The following EFR3A variants were observed in gnomAD, a reference collection of about 807,000 sequenced individuals.
The protein encoded by EFR3A is EFR3 homolog A.
In EFR3A, 76 loss-of-function variants were observed where a neutral mutation model predicts 104.4. The ratio of observed to expected loss-of-function variants is 0.73; its 90% CI spans 0.60 to 0.88. EFR3A has a LOEUF of 0.88. Among genes scored for constraint, EFR3A ranks in the 40% least tolerant of loss-of-function variants. The pLI is 0.00. For missense variants in EFR3A, 985 were observed against 1,012.5 expected, an observed-to-expected ratio of 0.97 and a Z score of 0.37; for synonymous variants, 330 against 330.0, an observed-to-expected ratio of 1.00 and a Z score of 0.00.
chr8:131,915,650 A>C (rs575846039), intron 1 of EFR3A, among the ~76,000 whole-genome samples: 2 of 152,240 alleles, frequency 1.3e-5, no homozygotes, highest in African/African-American at 4.8e-5. Context: ...GAGCAAGGGG[A>C]AGATGAGTGG....
chr8:131,976,124 G>C lies in EFR3A; in HGVS notation c.1257G>C (p.Leu419Phe). ...VPVFGTSTHT[L>F]DISQLGDLGT... ...TCTTTGGAACATCTACCCATACTTTGGATATCAGTCAACTAGGGTATGTTC... is the reference window on the plus strand; with the variant it reads ...TCTTTGGAACATCTACCCATACTTTCGATATCAGTCAACTAGGGTATGTTC... The change falls in exon 11 of 23, where the codon TTG (leucine) becomes TTC (phenylalanine). Residue 419 changes from leucine (L) to phenylalanine (F), a missense_variant. Leu to Phe is a conservative substitution (Grantham distance 22). Coordinates refer to ENST00000254624, the MANE Select transcript of EFR3A (RefSeq NM_015137.6). 6.3e-7 allele frequency: 1 copy of C among 1,589,904 alleles called. No individual in the cohort carries two copies. Among genetic ancestry groups the C allele is most frequent in the Non-Finnish European group, 8.6e-7 (1 of 1,163,972 alleles).
At chr8:131,930,439 G>T (rs559660878) in intron 1 of EFR3A, among the ~76,000 whole-genome samples, 1 of 121,204 alleles carries the variant, frequency 8.3e-6, no homozygotes, top group African/African-American at 2.8e-5. Context: ...TTAAGAACAC[G>T]GTGGAATGAA....
intron 10 of EFR3A, among the ~76,000 whole-genome samples, chr8:131,974,558 G>A (rs1327116553): frequency 6.6e-6 from 1 of 152,178 alleles, no homozygotes; most frequent in Admixed American, 6.5e-5. Context: ...AATGTTAGCT[G>A]TGTAATTTTT....
intron 2 of EFR3A, 120 bp downstream of exon 2, chr8:131,940,695 A>G: frequency 7.1e-7 from 1 of 1,408,606 alleles, no homozygotes; most frequent in Non-Finnish European, 9.3e-7. Context: ...CATCATTTAT[A>G]CTACTTTTTT....
intron 8 of EFR3A, among the ~76,000 whole-genome samples, chr8:131,968,004 G>A (rs369281515): frequency 5.9e-5 from 9 of 152,028 alleles, no homozygotes; most frequent in African/African-American, 1.9e-4. Context: ...GGTGGCCAGT[G>A]TTAATCTTTT....
intron 8 of EFR3A, among the ~76,000 whole-genome samples, chr8:131,965,095 CT>C (rs1407363693): frequency 1.3e-5 from 2 of 151,894 alleles, no homozygotes; most frequent in African/African-American, 4.8e-5. Context: ...AAATGTTAGA[CT>C]TAAAACCATA....
chr8:131,926,965 C>T (rs1259746327), intron 1 of EFR3A, among the ~76,000 whole-genome samples: 1 of 152,034 alleles, frequency 6.6e-6, no homozygotes. Flanking sequence ...ATTTTTCTTT[C>T]ACGGAGGGGA....
Position 131,978,729 on chromosome 8 carries a change from C to T in EFR3A, c.1327-118C>T, listed in dbSNP as rs79025988. The T allele has an allele frequency of 1.1e-3, 894 of 785,346 alleles. 11 individuals are homozygous for T. The African/African-American group carries it at 0.014, about 12-fold the overall frequency. 48.6% of individuals were successfully genotyped at this position (785,346 alleles called of 1,614,324 possible). On this transcript the variant is annotated intron_variant, in intron 12 of 22. Transcript: ENST00000254624. ...TTTGCACATTTCTTTTATGTCTTTT[C>T]TCCAGGCTTCTGTCCATATTTTCTT...
At chr8:131,910,280 C>T (rs1816454543) in intron 1 of EFR3A, among the ~76,000 whole-genome samples, 1 of 152,178 alleles carries the variant, frequency 6.6e-6, no homozygotes, top group African/African-American at 2.4e-5. Flanking sequence ...CCATCTTTCT[C>T]TGGTAATTTG....
Position 131,979,341 on chromosome 8 carries a change from T to C in EFR3A, c.1500-5T>C. On this transcript the variant is annotated splice_polypyrimidine_tract_variant and splice_region_variant and intron_variant, in intron 13 of 22. Coordinates refer to ENST00000254624, the MANE Select transcript of EFR3A (RefSeq NM_015137.6). ...CATTAAAAATGATATATTGATCGTC[T>C]CTAGAATAATACCGGATGTAGCTGA... is the stretch of plus-strand genomic sequence containing the variant. The C allele has an allele frequency of 6.5e-7, 1 of 1,550,164 alleles. No individual in the cohort carries two copies. Among genetic ancestry groups the C allele is most frequent in the Non-Finnish European group, 8.7e-7 (1 of 1,142,990 alleles).
intron 1 of EFR3A, among the ~76,000 whole-genome samples, chr8:131,920,286 G>C (rs963789692): frequency 3.9e-5 from 6 of 152,052 alleles, no homozygotes; most frequent in African/African-American, 1.4e-4. Flanking sequence ...AAGTAAAAAC[G>C]TTCTCTCCCC....
chr8:132,002,568 T>C, intron 20 of EFR3A, 35 bp from the exon 21 acceptor site: 1 of 1,535,522 alleles, frequency 6.5e-7, no homozygotes, highest in Non-Finnish European at 9.0e-7. Context: ...AAATTATGTA[T>C]TCCCTTTAAT....
intron 3 of EFR3A, among the ~76,000 whole-genome samples, chr8:131,945,560 A>C (rs547769694): frequency 6.6e-6 from 1 of 152,194 alleles, no homozygotes; most frequent in South Asian, 2.1e-4. Flanking sequence ...CATTTTAGTA[A>C]GTGATGGCAC....
At chr8:131,990,253 T>C (rs1821104831) in intron 18 of EFR3A, among the ~76,000 whole-genome samples, 1 of 152,220 alleles carries the variant, frequency 6.6e-6, no homozygotes. Context: ...TTATATAATT[T>C]TTCTCTAAGA....
intron 21 of EFR3A, 89 bp from the exon 22 acceptor site, chr8:132,003,147 T>C: frequency 9.2e-7 from 1 of 1,091,330 alleles, no homozygotes; most frequent in Non-Finnish European, 1.4e-6. Flanking sequence ...ATAGTCACAA[T>C]TATACTTTGT....
rs76013826 is a variant in EFR3A, at chr8:131,965,774, C to A, written c.856-2521C>A. On this transcript the variant is annotated intron_variant, in intron 8 of 22. Transcript: ENST00000254624. ...GACACATGCACACGTATGTTTATTG[C>A]GGCACTATTCACAATAGCAAAGACT... 2.6e-5 allele frequency among the ~76,000 whole-genome samples: 4 copies of A among 151,766 alleles called. No individual in the cohort carries two copies. In the South Asian group the frequency reaches 6.3e-4, roughly 24 times the overall value.
At chr8:131,943,360 A>G (rs1818256966) in intron 2 of EFR3A, among the ~76,000 whole-genome samples, 1 of 152,054 alleles carries the variant, frequency 6.6e-6, no homozygotes, top group African/African-American at 2.4e-5. Flanking sequence ...TTATTCTTCA[A>G]TAAAATTAGT....
Position 131,979,010 on chromosome 8 carries a change from G to A in EFR3A, c.1490G>A (p.Arg497Gln), listed in dbSNP as rs758285578. ...MDRHDNRAKL[R>Q]GIRIIPDVAD... ...CGTCATGACAATAGGGCAAAGCTTC[G>A]AGGGATCAGGTAATGTGCCATTTTG... is the stretch of plus-strand genomic sequence containing the variant. Residue 497 changes from arginine (R) to glutamine (Q), a missense_variant, in exon 13 of 23, where the codon CGA (arginine) becomes CAA (glutamine). Physicochemically the swap from Arg to Gln is conservative, Grantham distance 43 (BLOSUM62 1). Coordinates refer to ENST00000254624, the MANE Select transcript of EFR3A (RefSeq NM_015137.6). 6.2e-6 allele frequency: 10 copies of A among 1,606,376 alleles called. No individual in the cohort carries two copies. Among genetic ancestry groups the A allele is most frequent in the South Asian group, 1.1e-5 (1 of 88,910 alleles).
intron 1 of EFR3A, among the ~76,000 whole-genome samples, chr8:131,939,469 A>G (rs1369942957): frequency 3.3e-5 from 5 of 152,214 alleles, no homozygotes; most frequent in Non-Finnish European, 2.9e-5. Flanking sequence ...CTTTTAAACT[A>G]AAAGCAGTGT....
Sources: gnomAD v4.1 joint callset for allele counts (sites outside exome capture counted in the v4.1 genomes callset) on GRCh38, gnomAD v4.1.1 for gene constraint, MANE v1.5 for transcripts, NCBI Gene and HGNC (gene_info 2026-07-23, HGNC 2026-07-21) for gene names.